The following STOX2 variants were observed in gnomAD, a reference collection of about 807,000 sequenced individuals.
STOX2 encodes storkhead-box protein 2.
In STOX2, 28 loss-of-function variants were observed where a neutral mutation model predicts 60.9. The ratio of observed to expected loss-of-function variants is 0.46; its 90% CI spans 0.34 to 0.63. The LOEUF is 0.63. Ranked by LOEUF, STOX2 falls within the 30% of genes least tolerant of loss-of-function variation. STOX2 has a pLI of 0.01. For synonymous variants in STOX2, 472 were observed against 463.9 expected, an observed-to-expected ratio of 1.02 and a Z score of -0.22; for missense variants, 1,024 against 1,187.7, an observed-to-expected ratio of 0.86 and a Z score of 2.03.
chr4:184,006,209 C>T (rs1733818093), intron 2 of STOX2, among the ~76,000 whole-genome samples: 1 of 152,140 alleles, frequency 6.6e-6, no homozygotes, highest in Non-Finnish European at 1.5e-5. Context: ...TATTAGGAGC[C>T]ATGGTAAACT....
At chr4:183,922,885 T>G (rs751651623) in intron 1 of STOX2, among the ~76,000 whole-genome samples, 1 of 152,216 alleles carries the variant, frequency 6.6e-6, no homozygotes, top group Non-Finnish European at 1.5e-5. Context: ...TCATAAAATA[T>G]CTGTCCTTTT....
At chr4:183,895,535 G>A (rs990288080) in intron 1 of STOX2, among the ~76,000 whole-genome samples, 8 of 152,108 alleles carry the variant, frequency 5.3e-5, no homozygotes, top group African/African-American at 1.9e-4. Context: ...CTCAATCTTC[G>A]TCTTCTGCCT....
intron 1 of STOX2, among the ~76,000 whole-genome samples, chr4:183,931,558 C>T (rs1742424439): frequency 6.6e-6 from 1 of 152,110 alleles, no homozygotes; most frequent in Non-Finnish European, 1.5e-5. Flanking sequence ...CAGTGAAAGA[C>T]ACAAGTCTCC....
At chr4:183,988,480 T>C (rs1316031505) in intron 1 of STOX2, 1 of 152,184 alleles carries the variant, frequency 6.6e-6, no homozygotes, top group Non-Finnish European at 1.5e-5. Context: ...AGAGCCTTTT[T>C]AAGGTGCCTT....
At position 184,018,615 on chromosome 4, in the gene STOX2, C is replaced by G. The variant is rs1055153768; in HGVS notation, c.*1331C>G. On this transcript the variant is annotated 3_prime_UTR_variant, in exon 4 of 4. Coordinates refer to ENST00000308497, the MANE Select transcript of STOX2 (RefSeq NM_020225.3). Reference sequence around the variant, plus strand: ...ATACTTTGTAACCAATTTCAGGAGGCGTTTTTAGCTGGATGTGTAGTTAAT... The same window carrying G: ...ATACTTTGTAACCAATTTCAGGAGGGGTTTTTAGCTGGATGTGTAGTTAAT... The G allele has an allele frequency of 6.6e-6, 1 of 152,130 alleles. No homozygotes were observed. Among genetic ancestry groups the G allele is most frequent in the African/African-American group, 2.4e-5 (1 of 41,436 alleles). The allele number at this position is 152,130 out of a possible 1,614,324, so 9.4% of individuals were successfully genotyped here. A position where few individuals can be genotyped will look rare whatever the true frequency, so the allele number is the denominator to read the frequency against.
chr4:183,921,484 T>C (rs921463491), intron 1 of STOX2, among the ~76,000 whole-genome samples: 1 of 152,138 alleles, frequency 6.6e-6, no homozygotes, highest in Admixed American at 6.5e-5. Context: ...GGAGGGTCAG[T>C]CTGAGAAAAT....
chr4:183,985,462 T>A (rs1268711172), intron 1 of STOX2, among the ~76,000 whole-genome samples: 1 of 152,214 alleles, frequency 6.6e-6, no homozygotes, highest in Non-Finnish European at 1.5e-5. Flanking sequence ...TCACCAGCTC[T>A]GTGAGCTTCA....
At chr4:183,875,671 T>C (rs1740813014) in intron 1 of STOX2, among the ~76,000 whole-genome samples, 1 of 152,256 alleles carries the variant, frequency 6.6e-6, no homozygotes, top group African/African-American at 2.4e-5. Flanking sequence ...GAGGGTATAC[T>C]TAAAACCTGG....
At chr4:183,945,729 C>T (rs1742868438) in intron 1 of STOX2, among the ~76,000 whole-genome samples, 1 of 152,196 alleles carries the variant, frequency 6.6e-6, no homozygotes, top group Non-Finnish European at 1.5e-5. Flanking sequence ...TCGTTGAGCA[C>T]ACCACGAAAG....
chr4:183,880,011 C>T (rs60035547), intron 1 of STOX2, among the ~76,000 whole-genome samples: 21,116 of 151,984 alleles, frequency 0.14, 1,831 homozygotes, highest in African/African-American at 0.24. Context: ...TTTTTAGAGA[C>T]GGAATCTCGC....
rs1300021042 is a variant in STOX2 at position 184,001,175 on chromosome 4, C to T, written c.167-150C>T. 6.0e-6 allele frequency: 4 copies of T among 666,042 alleles called. No individual in the cohort carries two copies. Among genetic ancestry groups the T allele is most frequent in the African/African-American group, 5.4e-5 (3 of 55,398 alleles). 41.3% of individuals were successfully genotyped at this position (666,042 alleles called of 1,614,324 possible). ...ACCTGAGTGGAATTGGCTGTGGCTTCTGTGTTCAGAGTGGAATTGGCAAGC... is the reference window on the plus strand; with the variant it reads ...ACCTGAGTGGAATTGGCTGTGGCTTTTGTGTTCAGAGTGGAATTGGCAAGC... On this transcript the variant is annotated intron_variant, in intron 1 of 3. Transcript: ENST00000308497. This position sits in a 1 kb window ranked among gnomAD's most constrained non-coding sequence, Gnocchi z 4.2.
chr4:183,938,542 G>A (rs1454826270), intron 1 of STOX2, among the ~76,000 whole-genome samples: 1 of 152,078 alleles, frequency 6.6e-6, no homozygotes, highest in African/African-American at 2.4e-5. Context: ...GGTGGTGCAC[G>A]CCTGTAATCC....
At chr4:184,003,827 C>T (rs942661687) in intron 2 of STOX2, among the ~76,000 whole-genome samples, 4 of 152,176 alleles carry the variant, frequency 2.6e-5, no homozygotes, top group Non-Finnish European at 4.4e-5. Context: ...AAGTTATGTT[C>T]AGCAATAGCT....
At chr4:183,898,087 A>T (rs182449017) in intron 1 of STOX2, among the ~76,000 whole-genome samples, 19 of 152,268 alleles carry the variant, frequency 1.2e-4, no homozygotes, top group Admixed American at 3.9e-4. Flanking sequence ...AATTTGTAGC[A>T]TAGTCTTATT....
chr4:183,822,390 C>T (rs759064644), intron 1 of STOX2, among the ~76,000 whole-genome samples: 1 of 152,176 alleles, frequency 6.6e-6, no homozygotes, highest in Non-Finnish European at 1.5e-5. Context: ...CTTTATTGTG[C>T]ACTTTATTTC....
intron 1 of STOX2, among the ~76,000 whole-genome samples, chr4:183,799,958 C>T (rs1235970423): frequency 6.6e-6 from 1 of 152,088 alleles, no homozygotes; most frequent in African/African-American, 2.4e-5. Flanking sequence ...ACCTCTGCAC[C>T]CTCAGAGGAA....
At chr4:183,928,978 T>C (rs1259276702) in intron 1 of STOX2, among the ~76,000 whole-genome samples, 1 of 152,224 alleles carries the variant, frequency 6.6e-6, no homozygotes, top group Non-Finnish European at 1.5e-5. Flanking sequence ...GGATAAAGTG[T>C]GAAATACTTG....
At chr4:183,804,482 G>A (rs1294726327) in intron 1 of STOX2, among the ~76,000 whole-genome samples, 1 of 152,254 alleles carries the variant, frequency 6.6e-6, no homozygotes, top group Non-Finnish European at 1.5e-5. Context: ...GACTGCAGCT[G>A]AGGTCAGAAG....
At chr4:183,939,116 A>G (rs926468672) in intron 1 of STOX2, among the ~76,000 whole-genome samples, 2 of 152,330 alleles carry the variant, frequency 1.3e-5, no homozygotes, top group Non-Finnish European at 2.9e-5. Context: ...ATTTGTAATA[A>G]TCTTAATCAT....
Sources: allele counts gnomAD v4.1 joint callset (sites outside exome capture counted in the v4.1 genomes callset), GRCh38; gene constraint gnomAD v4.1.1; non-coding constraint Gnocchi (gnomAD v3.1); transcripts MANE v1.5; gene names NCBI Gene and HGNC (gene_info 2026-07-23, HGNC 2026-07-21).